The following MDM2 variants were observed in gnomAD, a reference collection of about 807,000 sequenced individuals.
MDM2 encodes the protein E3 ubiquitin-protein ligase Mdm2.
A neutral mutation model predicts 64.3 loss-of-function variants in MDM2; 11 were observed. The observed-to-expected ratio is 0.17, with a 90% CI of 0.11 to 0.28. The LOEUF (loss-of-function observed/expected upper bound fraction) is 0.28. Among genes scored for constraint, MDM2 ranks in the 10% least tolerant of loss-of-function variants. The probability of loss-of-function intolerance (pLI) is 1.00; values close to 1 mark genes in which losing one functional copy is unlikely to be tolerated. For synonymous variants in MDM2, 194 were observed against 192.9 expected (o/e 1.01, Z -0.05); for missense variants, 388 against 577.1 (o/e 0.67, Z 3.36).
chr12:68,826,648 T>TAAA (rs66535458), intron 7 of MDM2, among the ~76,000 whole-genome samples: 1 of 129,562 alleles, frequency 7.7e-6, no homozygotes, highest in African/African-American at 2.9e-5. Context: ...GACTCCCTCT[T>TAAA]AAAAAAAAAA....
chr12:68,811,943 A>G (rs3730508), intron 2 of MDM2, among the ~76,000 whole-genome samples: 10,163 of 151,590 alleles, frequency 0.067, 1,122 homozygotes, highest in African/African-American at 0.23. Context: ...ACGGAGTTTC[A>G]CTGTGTTGGC....
At chr12:68,809,632 T>C (rs980043043) in intron 2 of MDM2, among the ~76,000 whole-genome samples, 1 of 152,188 alleles carries the variant, frequency 6.6e-6, no homozygotes, top group Non-Finnish European at 1.5e-5. Flanking sequence ...AAGTTATTCG[T>C]GCTTGTTTTA....
At chr12:68,823,823 C>T (rs1245690567) in intron 5 of MDM2, among the ~76,000 whole-genome samples, 1 of 152,148 alleles carries the variant, frequency 6.6e-6, no homozygotes, top group Non-Finnish European at 1.5e-5. Flanking sequence ...TCTGAAGTAT[C>T]TGCGGGGAAG....
chr12:68,815,624 G>T (rs1344687323), intron 3 of MDM2: 7 of 413,118 alleles, frequency 1.7e-5, no homozygotes, highest in Non-Finnish European at 3.4e-5. Context: ...GTATTTTTTT[G>T]TAGAGATGGA....
rs1883619313 is a variant in MDM2 at position 68,839,948 on chromosome 12, C to T, written c.*99C>T. On this transcript the variant is annotated 3_prime_UTR_variant, in exon 11 of 11. Transcript: ENST00000258149. ...CACATATATCAAAGTGAGAAAATGC[C>T]TCAATTCACATAGATTTCTTCTCTT... is the stretch of plus-strand genomic sequence containing the variant. 9.4e-7 allele frequency: 1 copy of T among 1,067,104 alleles called. No individual in the cohort carries two copies. Among genetic ancestry groups the T allele is most frequent in the Non-Finnish European group, 1.3e-6 (1 of 751,326 alleles). The allele number at this position is 1,067,104 out of a possible 1,614,324, so 66.1% of individuals were successfully genotyped here. A position where few individuals can be genotyped will look rare whatever the true frequency, so the allele number is the denominator to read the frequency against.
At chr12:68,819,818 AGAAAG>A (rs750304144) in intron 4 of MDM2, among the ~76,000 whole-genome samples, 3 of 152,236 alleles carry the variant, frequency 2.0e-5, no homozygotes, top group Non-Finnish European at 2.9e-5. Context: ...TTTAAGATCA[AGAAAG>A]GAAGTTGAAG....
chr12:68,824,952 T>G (rs946341997), intron 7 of MDM2, among the ~76,000 whole-genome samples: 1 of 152,212 alleles, frequency 6.6e-6, no homozygotes, highest in Non-Finnish European at 1.5e-5. Flanking sequence ...CTCACGCCTG[T>G]AATCCCGGCA....
intron 9 of MDM2, 123 bp downstream of exon 9, chr12:68,836,107 T>C: frequency 1.2e-6 from 1 of 843,502 alleles, no homozygotes. Flanking sequence ...CTTGATTTGT[T>C]TAAACTAACA....
downstream of MDM2, chr12:68,847,211 T>TATAC (rs914745312): frequency 7.3e-6 from 1 of 136,478 alleles, no homozygotes; most frequent in Non-Finnish European, 1.5e-5. Flanking sequence ...TATATATATA[T>TATAC]ACTTTTTTTA....
rs66832434 is a variant in MDM2 at position 68,840,506 on chromosome 12, T to TTTTGTTTG, written c.*677_*684dup. 7.2e-5 allele frequency: 14 copies of TTTTGTTTG among 193,484 alleles called. No homozygotes were observed. Among genetic ancestry groups the TTTTGTTTG allele is most frequent in the African/African-American group, 3.1e-4 (13 of 42,440 alleles). The allele number at this position is 193,484 out of a possible 1,614,324, so 12.0% of individuals were successfully genotyped here. ...GTGTGAAAGATTTAGTTTTTTGTTT[T>TTTTGTTTG]TTTGTTTGTTTGTTTGTTTGTTTGT... On this transcript the variant is annotated 3_prime_UTR_variant, in exon 11 of 11. Transcript: ENST00000258149.
At position 68,841,056 on chromosome 12, in the gene MDM2, G is replaced by A. The variant is rs1008789441; in HGVS notation, c.*1207G>A. The stretch of plus-strand genomic sequence containing the variant: ...AGACAGGGTTTCACCATGTTAGCCA[G>A]GCTGATCTTGAACTCCTAAACTCAA... On this transcript the variant is annotated 3_prime_UTR_variant, in exon 11 of 11. Transcript: ENST00000258149. 20 of 182,358 alleles carry A rather than the reference G, an allele frequency of 1.1e-4. No homozygotes were observed. Among genetic ancestry groups the A allele is most frequent in the Non-Finnish European group, 1.6e-4 (14 of 85,936 alleles). The allele number at this position is 182,358 out of a possible 1,614,324, so 11.3% of individuals were successfully genotyped here.
At chr12:68,834,510 T>C (rs765812860) in intron 8 of MDM2, among the ~76,000 whole-genome samples, 1 of 149,586 alleles carries the variant, frequency 6.7e-6, no homozygotes, top group Non-Finnish European at 1.5e-5. Context: ...GCCAAGGCGG[T>C]TGAATTGCTT....
chr12:68,836,702 G>A lies in MDM2; in HGVS notation c.871G>A (p.Glu291Lys). 2.5e-6 allele frequency: 4 copies of A among 1,612,078 alleles called. No homozygotes were observed. The highest frequency in any genetic ancestry group is 3.4e-6 in the Non-Finnish European group (4 of 1,178,416). ...VYQVTVYQAG[E>K]SDTDSFEEDP... Reference sequence around the variant, plus strand: ...TCAAGTTACTGTGTATCAGGCAGGGGAGAGTGATACAGATTCATTTGAAGA... The same window carrying A: ...TCAAGTTACTGTGTATCAGGCAGGGAAGAGTGATACAGATTCATTTGAAGA... The change falls in exon 10 of 11, where the codon GAG becomes AAG. Residue 291 changes from glutamate (E) to lysine (K), a missense_variant. This residue lies in a region of MDM2 where 168 missense variants were observed against 236.6 expected (regional missense o/e 0.71). Coordinates refer to ENST00000258149, the MANE Select transcript of MDM2 (RefSeq NM_002392.6).
At chr12:68,820,018 C>T (rs965864256) in intron 4 of MDM2, among the ~76,000 whole-genome samples, 6 of 152,184 alleles carry the variant, frequency 3.9e-5, no homozygotes, top group Non-Finnish European at 5.9e-5. Flanking sequence ...CCTCTTCCTG[C>T]TTGCATACTC....
At chr12:68,846,926 A>G (rs549264612), downstream of MDM2, 5 of 151,718 alleles carry the variant, frequency 3.3e-5, no homozygotes, top group Admixed American at 1.3e-4. Context: ...CCACTCGACC[A>G]TAATCACCCC....
rs1341035237 is a variant in MDM2, at chr12:68,808,220, G to GCCTGTGTGGC, written c.-249_-240dup. 13 of 545,830 alleles carry GCCTGTGTGGC rather than the reference G, an allele frequency of 2.4e-5. 1 individual carries two copies. Among genetic ancestry groups the GCCTGTGTGGC allele is most frequent in the African/African-American group, 8.0e-5 (4 of 50,118 alleles). The allele number at this position is 545,830 out of a possible 1,614,324, so 33.8% of individuals were successfully genotyped here. A position where few individuals can be genotyped will look rare whatever the true frequency, so the allele number is the denominator to read the frequency against. ...CGCGGCGAGCTTGGCTGCTTCTGGG[G>GCCTGTGTGGC]CCTGTGTGGCCCTGTGTGTCGGAAA... is the stretch of plus-strand genomic sequence containing the variant. On this transcript the variant is annotated 5_prime_UTR_variant, in exon 1 of 11. Coordinates refer to ENST00000258149, the MANE Select transcript of MDM2 (RefSeq NM_002392.6).
chr12:68,808,393 G>A lies in MDM2; in HGVS notation c.-85G>A. ...CCCGGAGAGTGGAATGATCCCCGAG[G>A]CCCAGGGCGTCGTGCTTCCGCGCGC... is the stretch of plus-strand genomic sequence containing the variant. On this transcript the variant is annotated 5_prime_UTR_variant, in exon 1 of 11. Coordinates refer to ENST00000258149, the MANE Select transcript of MDM2 (RefSeq NM_002392.6). 2 of 1,582,182 alleles carry A rather than the reference G, an allele frequency of 1.3e-6. No individual in the cohort carries two copies. The highest frequency in any genetic ancestry group is 2.2e-5 in the East Asian group (1 of 44,598).
chr12:68,815,834 C>T (rs529087708), intron 3 of MDM2: 36 of 166,816 alleles, frequency 2.2e-4, no homozygotes, highest in Non-Finnish European at 2.8e-4. Context: ...CTGTAAAATG[C>T]CATATGTATT....
chr12:68,844,344 G>T lies in MDM2; in HGVS notation c.*4495G>T, dbSNP rs763075161. On this transcript the variant is annotated 3_prime_UTR_variant, in exon 11 of 11. Coordinates refer to ENST00000258149, the MANE Select transcript of MDM2 (RefSeq NM_002392.6). ...TTAGAAATACAAATATCACTGGGCAGCTTGAAGCAGTTGGGAGCCTCCAAT... is the reference window on the plus strand; with the variant it reads ...TTAGAAATACAAATATCACTGGGCATCTTGAAGCAGTTGGGAGCCTCCAAT... 2.0e-4 allele frequency: 44 copies of T among 224,036 alleles called. No individual in the cohort carries two copies. The highest frequency in any genetic ancestry group is 3.6e-4 in the Non-Finnish European group (40 of 112,344). The allele number at this position is 224,036 out of a possible 1,614,324, so 13.9% of individuals were successfully genotyped here.
Sources: allele counts gnomAD v4.1 joint callset (sites outside exome capture counted in the v4.1 genomes callset), GRCh38; gene constraint gnomAD v4.1.1; regional missense constraint gnomAD v4.1.1; transcripts MANE v1.5; gene names NCBI Gene and HGNC (gene_info 2026-07-23, HGNC 2026-07-21).